NLRP13: variants seen among roughly 807,000 people sequenced by gnomAD.
NLRP13 encodes the protein NACHT, LRR and PYD domains-containing protein 13.
In NLRP13, 82 loss-of-function variants were observed where a neutral mutation model predicts 94.4. The observed-to-expected ratio is 0.87, with a 90% confidence interval of 0.73 to 1.04. The LOEUF (loss-of-function observed/expected upper bound fraction) is 1.04. Among genes scored for constraint, NLRP13 ranks in the 50% least tolerant of loss-of-function variants. The probability of loss-of-function intolerance (pLI) is 0.00; values close to 1 mark genes in which losing one functional copy is unlikely to be tolerated. For synonymous variants in NLRP13, 553 were observed against 464.7 expected (o/e 1.19, Z -2.45); for missense variants, 1,426 against 1,230.8 (o/e 1.16, Z -2.37).
Position 55,912,357 on chromosome 19 carries a change from G to T in NLRP13, c.1460C>A (p.Ala487Asp). 1 of 1,614,028 alleles carries T rather than the reference G, an allele frequency of 6.2e-7. No homozygotes were observed. The highest frequency in any genetic ancestry group is 1.1e-5 in the South Asian group (1 of 91,074). The change falls in exon 5 of 11, where the codon GCC (alanine) becomes GAC (aspartate). Residue 487 changes from alanine (A) to aspartate (D), a missense_variant. Coordinates refer to ENST00000342929, the MANE Select transcript of NLRP13 (RefSeq NM_176810.2). Reference sequence around the variant, plus strand: ...GTTCATAGACCACAGCCCTTCTATGGCCAGACTGCAGAGGGCCCTCCATTG... The same window carrying T: ...GTTCATAGACCACAGCCCTTCTATGTCCAGACTGCAGAGGGCCCTCCATTG... Reference protein sequence around the residue: ...PGQWRALCSLAIEGLWSMNFT... With the variant: ...PGQWRALCSLDIEGLWSMNFT...
intron 7 of NLRP13, among the ~76,000 whole-genome samples, chr19:55,906,370 G>A (rs1174720409): frequency 7.2e-6 from 1 of 139,262 alleles, no homozygotes; most frequent in Non-Finnish European, 1.5e-5. Context: ...ATGATAGACA[G>A]ACAGACAGAA....
At chr19:55,930,310 C>A (rs913188465) in intron 1 of NLRP13, among the ~76,000 whole-genome samples, 1 of 152,190 alleles carries the variant, frequency 6.6e-6, no homozygotes, top group Non-Finnish European at 1.5e-5. Flanking sequence ...GTTTCCTTCT[C>A]TGTAAGATAC....
chr19:55,916,951 TA>T lies in NLRP13; in HGVS notation c.524-3659del, dbSNP rs551143194. Among the ~76,000 whole-genome samples, 296 of 152,002 alleles carry T rather than the reference TA, an allele frequency of 1.9e-3. 3 individuals carry two copies. The highest frequency in any genetic ancestry group is 3.7e-3 in the South Asian group (18 of 4,822). The stretch of plus-strand genomic sequence containing the variant: ...GTTTAATGTGAAGGAAAAAACGTCC[TA>T]AAAAAAATCAGTAAGAGAAAATAAT... On this transcript the variant is annotated intron_variant, in intron 4 of 10. Coordinates refer to ENST00000342929, the MANE Select transcript of NLRP13 (RefSeq NM_176810.2).
chr19:55,906,350 A>AAAAAAAAAAAAAAAAAAAAC (rs1986349358), intron 7 of NLRP13, among the ~76,000 whole-genome samples: 1 of 150,888 alleles, frequency 6.6e-6, no homozygotes, highest in African/African-American at 2.4e-5. Context: ...AAAAAAAAAA[A>AAAAAAAAAAAAAAAAAAAAC]AAAAGACAGA....
intron 9 of NLRP13, among the ~76,000 whole-genome samples, chr19:55,901,606 G>A (rs938084486): frequency 7.9e-5 from 12 of 152,170 alleles, no homozygotes; most frequent in Middle Eastern, 3.2e-3. Flanking sequence ...GATTGAAGAA[G>A]AAAGGATTGA....
chr19:55,918,253 CAAAAA>C (rs34099048), intron 4 of NLRP13, among the ~76,000 whole-genome samples: 1 of 130,786 alleles, frequency 7.6e-6, no homozygotes, highest in African/African-American at 2.9e-5. Context: ...TGTGATACAG[CAAAAA>C]AAAAAAAAAA....
At position 55,902,152 on chromosome 19, in the gene NLRP13, A is replaced by C; in HGVS notation, c.2672T>G (p.Leu891Arg). 1 of 1,614,040 alleles carries C rather than the reference A, an allele frequency of 6.2e-7. No individual in the cohort carries two copies. The highest frequency in any genetic ancestry group is 8.5e-7 in the Non-Finnish European group (1 of 1,179,960). ...GTGTGTCAGGCTCCTGTTCTGCAGG[A>C]GAGCATCTGACAAGTGCTTGCAAGC... ...APACKHLSDALLQNRSLTHLN... is the reference protein window; with the variant it reads ...APACKHLSDARLQNRSLTHLN... The change falls in exon 9 of 11, where the codon CTC (leucine) becomes CGC (arginine). Residue 891 changes from leucine (L) to arginine (R), a missense_variant. Transcript: ENST00000342929.
chr19:55,896,340 T>C (rs557590858), intron 10 of NLRP13, among the ~76,000 whole-genome samples: 5 of 151,298 alleles, frequency 3.3e-5, no homozygotes, highest in Non-Finnish European at 5.9e-5. Context: ...CTGGGCAACA[T>C]GGTGAAACCC....
At chr19:55,930,898 A>ATATGTATAT in intron 1 of NLRP13, among the ~76,000 whole-genome samples, 1 of 104,898 alleles carries the variant, frequency 9.5e-6, no homozygotes, top group African/African-American at 3.9e-5. Flanking sequence ...ATATATATAT[A>ATATGTATAT]AAATTTTAAC....
chr19:55,891,813 G>T (rs1985857069), downstream of NLRP13: 1 of 351,260 alleles, frequency 2.8e-6, no homozygotes, highest in East Asian at 4.2e-5. Flanking sequence ...ACCAGACACA[G>T]TATTACACTA....
intron 8 of NLRP13, 76 bp from the exon 9 acceptor site, chr19:55,902,281 GCCC>G: frequency 7.9e-7 from 1 of 1,266,312 alleles, no homozygotes; most frequent in South Asian, 1.6e-5. Flanking sequence ...GAGCCTCAGG[GCCC>G]CCTCCGAGCC....
rs1191680640 is a variant in NLRP13, at chr19:55,904,975, A to T, written c.2585T>A (p.Leu862Gln). 2 of 1,613,886 alleles carry T rather than the reference A, an allele frequency of 1.2e-6. No individual in the cohort carries two copies. The highest frequency in any genetic ancestry group is 1.7e-6 in the Non-Finnish European group (2 of 1,179,924). ...CTCTAAGGCACACTTGGGGTGAGTC[A>T]GGGCCGCACACAATAGCTTTATGCC... is the stretch of plus-strand genomic sequence containing the variant. ...DDGIKLLCAA[L>Q]THPKCALERL... Residue 862 changes from leucine (L) to glutamine (Q), a missense_variant, in exon 8 of 11, where the codon CTG (leucine) becomes CAG (glutamine). By Grantham distance (113) the Leu-to-Gln change is moderately radical (BLOSUM62 -2). Coordinates refer to ENST00000342929, the MANE Select transcript of NLRP13 (RefSeq NM_176810.2).
Position 55,912,047 on chromosome 19 carries a change from A to T in NLRP13, c.1770T>A (p.Gly590=), listed in dbSNP as rs770864970. 6.2e-7 allele frequency: 1 copy of T among 1,614,210 alleles called. No homozygotes were observed. Among genetic ancestry groups the T allele is most frequent in the South Asian group, 1.1e-5 (1 of 91,078 alleles). Residue 590 remains glycine, a synonymous_variant, in exon 5 of 11, where the codon GGT becomes GGA. Transcript: ENST00000342929. ...CTCTTGCTATGTTTTTATTTAAAAG[A>T]CCAAAGAAGAACAGAACCACTGGAG... The part of the protein sequence containing the change: ...YWTPVVLFFF[G]LLNKNIAREL...
intron 10 of NLRP13, among the ~76,000 whole-genome samples, chr19:55,896,674 G>A (rs1295621584): frequency 6.6e-6 from 1 of 151,794 alleles, no homozygotes; most frequent in Non-Finnish European, 1.5e-5. Context: ...ACAAAAATTA[G>A]CCAGGCGTGG....
chr19:55,930,848 C>A (rs11670308), intron 1 of NLRP13, among the ~76,000 whole-genome samples: 1 of 131,518 alleles, frequency 7.6e-6, no homozygotes, highest in Non-Finnish European at 1.5e-5. Context: ...TAAGACCAGA[C>A]GGCTTACAGG....
intron 4 of NLRP13, among the ~76,000 whole-genome samples, chr19:55,915,009 G>A (rs1455513996): frequency 6.6e-6 from 1 of 152,166 alleles, no homozygotes; most frequent in Non-Finnish European, 1.5e-5. Flanking sequence ...CTCAGAAGAA[G>A]AGAATAAAGT....
Position 55,913,037 on chromosome 19 carries a change from T to C in NLRP13, c.780A>G (p.Gln260=). 1 of 1,614,116 alleles carries C rather than the reference T, an allele frequency of 6.2e-7. No homozygotes were observed. Among genetic ancestry groups the C allele is most frequent in the South Asian group, 1.1e-5 (1 of 91,080 alleles). ...TGAGATAGAAAACATAGGAGAACCTTTGCTGAAAGAGAACTCCATTTGCCC... is the reference window on the plus strand; with the variant it reads ...TGAGATAGAAAACATAGGAGAACCTCTGCTGAAAGAGAACTCCATTTGCCC... ...LHWANGVLFQ[Q]RFSYVFYLSC... The change falls in exon 5 of 11, where the codon CAA becomes CAG. Residue 260 remains glutamine (Q), a synonymous_variant. Transcript: ENST00000342929.
intron 4 of NLRP13, among the ~76,000 whole-genome samples, chr19:55,914,938 C>T (rs572256983): frequency 2.6e-5 from 4 of 152,170 alleles, no homozygotes; most frequent in East Asian, 1.9e-4. Flanking sequence ...TGAAATAAGC[C>T]AGACACAGAA....
At chr19:55,895,797 A>C, downstream of NLRP13, 51 of 771,940 alleles carry the variant, frequency 6.6e-5, no homozygotes, top group Non-Finnish European at 9.6e-5. Context: ...TGCACAGCAC[A>C]GAGATCACTC....
Sources: gnomAD v4.1 joint callset for allele counts (sites outside exome capture counted in the v4.1 genomes callset) on GRCh38, gnomAD v4.1.1 for gene constraint, MANE v1.5 for transcripts, NCBI Gene and HGNC (gene_info 2026-07-23, HGNC 2026-07-21) for gene names.